Variants in ABLIM3 observed in about 807,000 individuals in gnomAD.
The protein encoded by ABLIM3 is actin binding LIM protein family member 3, also known as actin-binding LIM protein 3.
Under a neutral mutation model 109.5 loss-of-function variants are expected in ABLIM3, and 61 were observed. That is an observed-to-expected ratio of 0.56 (90% confidence interval 0.45 to 0.69). The LOEUF is 0.69. Ranked by LOEUF, ABLIM3 falls within the 30% of genes least tolerant of loss-of-function variation. The pLI is 0.00. For missense variants in ABLIM3, 796 were observed against 889.5 expected, an observed-to-expected ratio of 0.89 and a Z score of 1.34; for synonymous variants, 300 against 324.8, an observed-to-expected ratio of 0.92 and a Z score of 0.82.
At chr5:149,233,705 G>C (rs1205408078) in intron 10 of ABLIM3, among the ~76,000 whole-genome samples, 1 of 152,190 alleles carries the variant, frequency 6.6e-6, no homozygotes, top group Non-Finnish European at 1.5e-5. Flanking sequence ...TGTGGAGATA[G>C]TGGTGGGTGA....
At chr5:149,227,099 G>A (rs1761381349) in intron 8 of ABLIM3, among the ~76,000 whole-genome samples, 2 of 148,084 alleles carry the variant, frequency 1.4e-5, no homozygotes, top group Admixed American at 1.3e-4. Context: ...AAAAGCCTTG[G>A]CAAATTTAAC....
At chr5:149,177,657 A>T (rs773527830) in intron 2 of ABLIM3, among the ~76,000 whole-genome samples, 1 of 152,190 alleles carries the variant, frequency 6.6e-6, no homozygotes, top group South Asian at 2.1e-4. Flanking sequence ...TTTTCTTGGC[A>T]GTCAGCAAAA....
In ABLIM3 at chr5:149,207,056, C is replaced by G. The variant is rs746402564; in HGVS notation, c.497C>G (p.Ala166Gly). 4.6e-5 allele frequency: 74 copies of G among 1,613,922 alleles called. No homozygotes were observed. The highest frequency in any genetic ancestry group is 6.0e-5 in the Non-Finnish European group (71 of 1,179,976). Residue 166 changes from alanine (A) to glycine (G), a missense_variant, in exon 6 of 24, where the codon GCT (alanine) becomes GGT (glycine). Ala to Gly is a moderately conservative substitution (Grantham distance 60, BLOSUM62 0). Coordinates refer to ENST00000309868, the MANE Select transcript of ABLIM3 (RefSeq NM_014945.5). ...EEIKHGQSLL[A>G]LDKQWHVSCF... ...ATCAAGCACGGCCAGTCACTCCTGG[C>G]TCTGGACAAGCAGTGGCACGTCAGC...
chr5:149,154,686 G>T (rs541556737), intron 2 of ABLIM3, among the ~76,000 whole-genome samples: 5 of 152,194 alleles, frequency 3.3e-5, no homozygotes, highest in Non-Finnish European at 7.4e-5. Flanking sequence ...CATAGTCAGT[G>T]ATTATTTTGT....
chr5:149,217,392 T>C, intron 8 of ABLIM3: 1 of 308,318 alleles, frequency 3.2e-6, no homozygotes, highest in Non-Finnish European at 6.2e-6. Flanking sequence ...CTCAGAGGGA[T>C]GCCTGGGTTG....
chr5:149,251,528 T>G, intron 21 of ABLIM3, 109 bp downstream of exon 21: 1 of 1,307,610 alleles, frequency 7.6e-7, no homozygotes, highest in Non-Finnish European at 1.1e-6. Context: ...GTCCCCACGC[T>G]GGGCTGTGTC....
At chr5:149,233,759 A>T (rs955565611) in intron 10 of ABLIM3, among the ~76,000 whole-genome samples, 14 of 152,368 alleles carry the variant, frequency 9.2e-5, no homozygotes, top group Middle Eastern at 3.4e-3. Context: ...ACATGTGGAA[A>T]CATGGCTGTA....
intron 3 of ABLIM3, among the ~76,000 whole-genome samples, chr5:149,189,612 A>G (rs1271671191): frequency 2.0e-5 from 3 of 152,228 alleles, no homozygotes; most frequent in Non-Finnish European, 4.4e-5. Context: ...AAAATGCTCG[A>G]CATCATTAGC....
intron 23 of ABLIM3, among the ~76,000 whole-genome samples, chr5:149,253,258 G>C (rs967165519): frequency 6.6e-6 from 1 of 152,192 alleles, no homozygotes; most frequent in Non-Finnish European, 1.5e-5. Context: ...CATAAAACTT[G>C]TGCTTGTGAT....
intron 5 of ABLIM3, among the ~76,000 whole-genome samples, chr5:149,203,470 A>G (rs1288133039): frequency 3.9e-5 from 6 of 152,088 alleles, no homozygotes; most frequent in Non-Finnish European, 7.4e-5. Flanking sequence ...CGTCACCATC[A>G]TCATGACCAA....
intron 8 of ABLIM3, among the ~76,000 whole-genome samples, chr5:149,229,479 A>C (rs964468130): frequency 2.4e-4 from 37 of 152,190 alleles, no homozygotes; most frequent in African/African-American, 8.4e-4. Flanking sequence ...GCAGAGACAA[A>C]AAACACAGGC....
chr5:149,252,672 C>G, intron 22 of ABLIM3, 85 bp from the exon 23 acceptor site: 2 of 1,028,270 alleles, frequency 1.9e-6, no homozygotes, highest in Non-Finnish European at 3.0e-6. Context: ...CTGGATAGAA[C>G]AGAGAGCCCA....
chr5:149,254,638 A>G (rs1446478854), intron 23 of ABLIM3, among the ~76,000 whole-genome samples: 2 of 152,164 alleles, frequency 1.3e-5, no homozygotes, highest in African/African-American at 2.4e-5. Context: ...CAGCTCTAGC[A>G]TGCTGGGTTA....
rs142001077 is a variant in ABLIM3 at position 149,165,504 on chromosome 5, T to G, written c.14-17948T>G. 3.6e-3 allele frequency among the ~76,000 whole-genome samples: 541 copies of G among 152,352 alleles called. 2 individuals carry two copies. The highest frequency in any genetic ancestry group is 0.012 in the African/African-American group (509 of 41,576). On this transcript the variant is annotated intron_variant, in intron 2 of 23. Coordinates refer to ENST00000309868, the MANE Select transcript of ABLIM3 (RefSeq NM_014945.5). Reference sequence around the variant, plus strand: ...TAAGACTTTGTATTAGTAAGAACTCTTAGAGTACAAGTAACCAAAACCCAG... The same window carrying G: ...TAAGACTTTGTATTAGTAAGAACTCGTAGAGTACAAGTAACCAAAACCCAG...
intron 23 of ABLIM3, among the ~76,000 whole-genome samples, chr5:149,254,215 T>C (rs9325137): frequency 0.38 from 58,447 of 151,932 alleles, 11,922 homozygotes; most frequent in East Asian, 0.59. Context: ...ACCAGCCTCC[T>C]TGCTCCTCAG....
At chr5:149,249,758 C>T (rs1404324613) in intron 18 of ABLIM3, 57 bp from the exon 19 acceptor site, 7 of 1,608,436 alleles carry the variant, frequency 4.4e-6, no homozygotes, top group Middle Eastern at 1.7e-4. Flanking sequence ...CATGAATTGT[C>T]TTCACCATGT....
intron 2 of ABLIM3, among the ~76,000 whole-genome samples, chr5:149,168,623 G>A (rs1581030740): frequency 6.6e-6 from 1 of 152,190 alleles, no homozygotes; most frequent in Admixed American, 6.5e-5. Flanking sequence ...AGTGCATAAA[G>A]TATGTGTTTA....
At position 149,210,757 on chromosome 5, in the gene ABLIM3, C is replaced by A; in HGVS notation, c.607C>A (p.His203Asn). The change falls in exon 7 of 24, where the codon CAT (histidine) becomes AAT (asparagine). Residue 203 changes from histidine (H) to asparagine (N), a missense_variant. By Grantham distance (68) the His-to-Asn change is moderately conservative. Transcript: ENST00000309868. Reference sequence around the variant, plus strand: ...TGTTCCATACTGTGAGTCCGACTACCATGCCCAGTTTGGCATTAAATGTGA... The same window carrying A: ...TGTTCCATACTGTGAGTCCGACTACAATGCCCAGTTTGGCATTAAATGTGA... ...DGVPYCESDY[H>N]AQFGIKCETC... The A allele has an allele frequency of 6.2e-7, 1 of 1,614,082 alleles. No homozygotes were observed. The highest frequency in any genetic ancestry group is 8.5e-7 in the Non-Finnish European group (1 of 1,179,978).
intron 2 of ABLIM3, among the ~76,000 whole-genome samples, chr5:149,150,220 G>A (rs575456452): frequency 4.6e-5 from 7 of 152,250 alleles, no homozygotes; most frequent in South Asian, 4.1e-4. Flanking sequence ...CCCAGCACAC[G>A]GGGCATGATG....
Sources: gnomAD v4.1 joint callset for allele counts (sites outside exome capture counted in the v4.1 genomes callset) on GRCh38, gnomAD v4.1.1 for gene constraint, MANE v1.5 for transcripts, NCBI Gene and HGNC (gene_info 2026-07-23, HGNC 2026-07-21) for gene names.